DR1: variants seen among roughly 807,000 people sequenced by gnomAD.
DR1 encodes the protein down-regulator of transcription 1.
Under a neutral mutation model 19.9 loss-of-function variants are expected in DR1, and 7 were observed. That is an observed-to-expected ratio of 0.35 (90% CI 0.20 to 0.66). The LOEUF is 0.66. DR1 is among the 30% of genes least tolerant of loss of function. The pLI, the probability that DR1 is intolerant of heterozygous loss-of-function variation, is 0.66. For synonymous variants in DR1, 76 were observed against 72.5 expected (o/e 1.05, Z -0.24); for missense variants, 98 against 203.7 (o/e 0.48, Z 3.16).
In DR1 at chr1:93,346,853, C is replaced by A. The variant is rs1198074928; in HGVS notation, c.208C>A (p.His70Asn). The change falls in exon 1 of 3, where the codon CAT (histidine) becomes AAT (asparagine). Residue 70 changes from histidine to asparagine, a missense_variant. Coordinates refer to ENST00000370272, the MANE Select transcript of DR1 (RefSeq NM_001938.3). ...GGAAAAGAAGACCATCTCACCAGAG[C>A]ATGTCATACAAGGTAAGTCGTGTGT... ...KSEKKTISPE[H>N]VIQALESLGF... 1 of 1,610,828 alleles carries A rather than the reference C, an allele frequency of 6.2e-7. No homozygotes were observed. The highest frequency in any genetic ancestry group is 2.2e-5 in the East Asian group (1 of 44,858).
chr1:93,348,260 A>G (rs1410245054), intron 1 of DR1, among the ~76,000 whole-genome samples: 1 of 152,056 alleles, frequency 6.6e-6, no homozygotes, highest in East Asian at 1.9e-4. Context: ...AAGTAAAATG[A>G]AAGCCAAGTT....
chr1:93,347,299 G>A (rs1420601100), intron 1 of DR1, among the ~76,000 whole-genome samples: 1 of 152,186 alleles, frequency 6.6e-6, no homozygotes, highest in Non-Finnish European at 1.5e-5. Flanking sequence ...CACCAATGTA[G>A]AGGAAAAGAT....
At position 93,365,367 on chromosome 1, in the gene DR1, T is replaced by G. The variant is rs760212557; in HGVS notation, c.*4728T>G. 12 of 152,202 alleles carry G rather than the reference T, an allele frequency of 7.9e-5. No individual in the cohort carries two copies. Among genetic ancestry groups the G allele is most frequent in the Non-Finnish European group, 1.8e-4 (12 of 68,034 alleles). The allele number at this position is 152,202 out of a possible 1,614,324, so 9.4% of individuals were successfully genotyped here. A position where few individuals can be genotyped will look rare whatever the true frequency, so the allele number is the denominator to read the frequency against. ...AAGCATTGTTAGTATTTGGGGTTGG[T>G]TAAGTCTTTGTTTGTGGGAGCCTAT... is the stretch of plus-strand genomic sequence containing the variant. On this transcript the variant is annotated 3_prime_UTR_variant, in exon 3 of 3. Coordinates refer to ENST00000370272, the MANE Select transcript of DR1 (RefSeq NM_001938.3).
rs1214443881 is a variant in DR1, at chr1:93,362,400, T to A, written c.*1761T>A. On this transcript the variant is annotated 3_prime_UTR_variant, in exon 3 of 3. Coordinates refer to ENST00000370272, the MANE Select transcript of DR1 (RefSeq NM_001938.3). ...CCTTATACTTTCTATTTTAAGTATATCTGTTTCTTAAGTAAACAACTTAGA... is the reference window on the plus strand; with the variant it reads ...CCTTATACTTTCTATTTTAAGTATAACTGTTTCTTAAGTAAACAACTTAGA... 6.6e-6 allele frequency: 1 copy of A among 151,954 alleles called. No homozygotes were observed. The highest frequency in any genetic ancestry group is 1.5e-5 in the Non-Finnish European group (1 of 67,776). The allele number at this position is 151,954 out of a possible 1,614,324, so 9.4% of individuals were successfully genotyped here.
intron 1 of DR1, among the ~76,000 whole-genome samples, chr1:93,349,599 A>C (rs1351910005): frequency 6.6e-6 from 1 of 152,146 alleles, no homozygotes; most frequent in Non-Finnish European, 1.5e-5. Flanking sequence ...AGAACCTTAC[A>C]TGAAATATCT....
chr1:93,353,418 T>C (rs1256648145), intron 1 of DR1, among the ~76,000 whole-genome samples: 1 of 152,236 alleles, frequency 6.6e-6, no homozygotes, highest in African/African-American at 2.4e-5. Flanking sequence ...TTTTTTAAAC[T>C]TGGCAGTTTG....
rs1667060092 is a variant in DR1 at position 93,362,009 on chromosome 1, C to T, written c.*1370C>T. On this transcript the variant is annotated 3_prime_UTR_variant, in exon 3 of 3. Coordinates refer to ENST00000370272, the MANE Select transcript of DR1 (RefSeq NM_001938.3). ...GTAATTAAATTCCTATGTCAGTTGC[C>T]AAATCTTTTAAACTTATGTATTCAC... is the stretch of plus-strand genomic sequence containing the variant. 1 of 152,356 alleles carries T rather than the reference C, an allele frequency of 6.6e-6. No homozygotes were observed. 9.4% of individuals were successfully genotyped at this position (152,356 alleles called of 1,614,324 possible). A position where few individuals can be genotyped will look rare whatever the true frequency, so the allele number is the denominator to read the frequency against.
chr1:93,358,166 C>G (rs1032474195), intron 2 of DR1, among the ~76,000 whole-genome samples: 4 of 152,110 alleles, frequency 2.6e-5, no homozygotes, highest in Admixed American at 6.5e-5. Context: ...AGTATGGAAA[C>G]ATTACATCAA....
rs1667061150 is a variant in DR1 at position 93,362,077 on chromosome 1, A to G, written c.*1438A>G. Reference sequence around the variant, plus strand: ...TGTGGCTCCCAGGATTCCAATTTTAATTGGAGAGCTAAGTAAGTAAAGTTT... The same window carrying G: ...TGTGGCTCCCAGGATTCCAATTTTAGTTGGAGAGCTAAGTAAGTAAAGTTT... On this transcript the variant is annotated 3_prime_UTR_variant, in exon 3 of 3. Transcript: ENST00000370272. 6.6e-6 allele frequency: 1 copy of G among 152,502 alleles called. No homozygotes were observed. The highest frequency in any genetic ancestry group is 1.5e-5 in the Non-Finnish European group (1 of 67,890). The allele number at this position is 152,502 out of a possible 1,614,324, so 9.4% of individuals were successfully genotyped here.
Position 93,362,113 on chromosome 1 carries a change from A to T in DR1, c.*1474A>T, listed in dbSNP as rs187347274. The T allele has an allele frequency of 6.6e-6, 1 of 152,598 alleles. No individual in the cohort carries two copies. The highest frequency in any genetic ancestry group is 1.5e-5 in the Non-Finnish European group (1 of 67,876). The allele number at this position is 152,598 out of a possible 1,614,324, so 9.5% of individuals were successfully genotyped here. The stretch of plus-strand genomic sequence containing the variant: ...AAGTAAGTAAAGTTTTATAACTGTT[A>T]GGTTTCTTAATGATCATATTTTGCA... On this transcript the variant is annotated 3_prime_UTR_variant, in exon 3 of 3. Coordinates refer to ENST00000370272, the MANE Select transcript of DR1 (RefSeq NM_001938.3).
chr1:93,346,994 C>A, intron 1 of DR1, 129 bp downstream of exon 1: 1 of 795,690 alleles, frequency 1.3e-6, no homozygotes, highest in Non-Finnish European at 2.0e-6. Flanking sequence ...GCCAGACTGG[C>A]ATGTAGGCAG....
At position 93,346,635 on chromosome 1, in the gene DR1, A is replaced by T. The variant is rs759971513; in HGVS notation, c.-11A>T. ...TTTTAAAAGCCGGGGCGCGAGAAAC[A>T]GGAAGGTACTATGGCTTCCTCGTCT... is the stretch of plus-strand genomic sequence containing the variant. On this transcript the variant is annotated 5_prime_UTR_variant, in exon 1 of 3. Coordinates refer to ENST00000370272, the MANE Select transcript of DR1 (RefSeq NM_001938.3). 6.2e-7 allele frequency: 1 copy of T among 1,611,676 alleles called. No homozygotes were observed. Among genetic ancestry groups the T allele is most frequent in the South Asian group, 1.1e-5 (1 of 91,008 alleles).
chr1:93,359,860 G>A (rs146697463), intron 2 of DR1, among the ~76,000 whole-genome samples: 9 of 152,196 alleles, frequency 5.9e-5, no homozygotes, highest in African/African-American at 2.2e-4. Flanking sequence ...GGAAGGATAT[G>A]TATATTTGTA....
intron 2 of DR1, among the ~76,000 whole-genome samples, chr1:93,358,631 G>A (rs1667021126): frequency 6.6e-6 from 1 of 152,154 alleles, no homozygotes; most frequent in African/African-American, 2.4e-5. Context: ...GTTCCATGAA[G>A]TGGTTTCTTA....
At position 93,361,883 on chromosome 1, in the gene DR1, A is replaced by G. The variant is rs1251114658; in HGVS notation, c.*1244A>G. The G allele has an allele frequency of 4.6e-5, 7 of 152,660 alleles. No homozygotes were observed. The East Asian group carries it at 1.3e-3, about 29-fold the overall frequency. 9.5% of individuals were successfully genotyped at this position (152,660 alleles called of 1,614,324 possible). A position where few individuals can be genotyped will look rare whatever the true frequency, so the allele number is the denominator to read the frequency against. On this transcript the variant is annotated 3_prime_UTR_variant, in exon 3 of 3. Transcript: ENST00000370272. ...AGAAGCTTTAATTTGGTTCTAATAA[A>G]TACAGTATGGTAGTGTTTATAGGAA... is the stretch of plus-strand genomic sequence containing the variant.
At chr1:93,356,158 A>T (rs1666978158) in intron 2 of DR1, among the ~76,000 whole-genome samples, 1 of 152,208 alleles carries the variant, frequency 6.6e-6, no homozygotes, top group African/African-American at 2.4e-5. Context: ...GAGAGAAAAA[A>T]ATATATTACA....
intron 1 of DR1, 89 bp from the exon 2 acceptor site, chr1:93,353,819 A>G (rs1165282534): frequency 2.8e-6 from 3 of 1,083,226 alleles, no homozygotes; most frequent in Non-Finnish European, 3.8e-6. Context: ...CCTCCCCCAA[A>G]GAAAAGCCCA....
chr1:93,368,251 A>G lies in DR1; in HGVS notation c.*7612A>G, dbSNP rs1375120904. 6.6e-6 allele frequency: 1 copy of G among 152,210 alleles called. No individual in the cohort carries two copies. Among genetic ancestry groups the G allele is most frequent in the Non-Finnish European group, 1.5e-5 (1 of 68,034 alleles). 9.4% of individuals were successfully genotyped at this position (152,210 alleles called of 1,614,324 possible). On this transcript the variant is annotated 3_prime_UTR_variant, in exon 3 of 3. Transcript: ENST00000370272. ...ACTTATGAAACTCCGTATTTTATGTATGATGTATTGAGTATGAAGAATAGT... is the reference window on the plus strand; with the variant it reads ...ACTTATGAAACTCCGTATTTTATGTGTGATGTATTGAGTATGAAGAATAGT...
In DR1 at chr1:93,356,964, C is replaced by T. The variant is rs902852670; in HGVS notation, c.384+2893C>T. Among the ~76,000 whole-genome samples, 11 of 152,250 alleles carry T rather than the reference C, an allele frequency of 7.2e-5. No homozygotes were observed. The East Asian group carries it at 1.4e-3, about 19-fold the overall frequency. On this transcript the variant is annotated intron_variant, in intron 2 of 2. Transcript: ENST00000370272. Reference sequence around the variant, plus strand: ...CTCAAACTCCCAACCTCAGGCGATCCGCCCACCTTGGCCTCCCACAGTGCT... The same window carrying T: ...CTCAAACTCCCAACCTCAGGCGATCTGCCCACCTTGGCCTCCCACAGTGCT...
Sources: gnomAD v4.1 joint callset for allele counts (sites outside exome capture counted in the v4.1 genomes callset) on GRCh38, gnomAD v4.1.1 for gene constraint, MANE v1.5 for transcripts, NCBI Gene and HGNC (gene_info 2026-07-23, HGNC 2026-07-21) for gene names.